USP48: variants seen among roughly 807,000 people sequenced by gnomAD.
USP48 encodes ubiquitin carboxyl-terminal hydrolase 48.
Under a neutral mutation model 150.7 loss-of-function variants are expected in USP48, and 43 were observed. The observed-to-expected ratio is 0.29, with a 90% CI of 0.22 to 0.37. The LOEUF (loss-of-function observed/expected upper bound fraction) is 0.37, where lower values mean the gene tolerates loss of function less well. USP48 is among the 10% of genes least tolerant of loss of function. USP48 has a pLI of 1.00. For synonymous variants in USP48, 396 were observed against 425.9 expected (o/e 0.93, Z 0.86); for missense variants, 813 against 1,249.6 (o/e 0.65, Z 5.27).
intron 4 of USP48, 27 bp downstream of exon 4, chr1:21,752,965 A>T (rs754052751): frequency 3.1e-4 from 100 of 322,992 alleles, no homozygotes; most frequent in Middle Eastern, 1.1e-3. Context: ...CTGAATATTT[A>T]AAAAAAAAAA....
chr1:21,754,815 G>T (rs962037695), intron 3 of USP48, among the ~76,000 whole-genome samples: 7 of 152,136 alleles, frequency 4.6e-5, no homozygotes, highest in Non-Finnish European at 7.4e-5. Flanking sequence ...AGGTGACTCT[G>T]TAGGGGGTTC....
chr1:21,770,481 CTTT>C (rs548583450), intron 1 of USP48, among the ~76,000 whole-genome samples: 20 of 115,832 alleles, frequency 1.7e-4, no homozygotes, highest in African/African-American at 2.6e-4. Context: ...AATCAAGTGT[CTTT>C]TTTTTTTTTT....
chr1:21,754,133 C>T (rs187863805), intron 3 of USP48, among the ~76,000 whole-genome samples: 1 of 152,124 alleles, frequency 6.6e-6, no homozygotes, highest in Non-Finnish European at 1.5e-5. Flanking sequence ...TGCACTCCAG[C>T]CTGGGCAACA....
intron 1 of USP48, among the ~76,000 whole-genome samples, chr1:21,771,121 C>T (rs2152640424): frequency 6.6e-6 from 1 of 151,394 alleles, no homozygotes; most frequent in Admixed American, 6.6e-5. Context: ...GCAAGACTGT[C>T]TCAAAAAACA....
At chr1:21,762,328 C>T (rs535214983) in intron 1 of USP48, among the ~76,000 whole-genome samples, 2 of 152,142 alleles carry the variant, frequency 1.3e-5, no homozygotes, top group South Asian at 4.1e-4. Context: ...CAGAAAATCT[C>T]TCCTGGGAAC....
chr1:21,759,297 G>GT (rs1470732314), intron 1 of USP48, among the ~76,000 whole-genome samples: 1 of 151,926 alleles, frequency 6.6e-6, no homozygotes, highest in Non-Finnish European at 1.5e-5. Context: ...GAAGGCAGGA[G>GT]TGGGGGAGGG....
intron 6 of USP48, 147 bp downstream of exon 6, chr1:21,751,360 G>A (rs567074701): frequency 4.8e-6 from 3 of 620,048 alleles, no homozygotes; most frequent in Admixed American, 2.8e-5. Flanking sequence ...ACTTCATAAA[G>A]TGTCTTCTGG....
chr1:21,783,060 C>CT lies in USP48; in HGVS notation c.-104dup. ...TTCGCCACCTGCCAGCAAGGAGGAC[C>CT]TGGCGCTCCTTCAGGCAGCTGGCCA... On this transcript the variant is annotated 5_prime_UTR_variant, in exon 1 of 27. Transcript: ENST00000308271. 1 of 1,386,744 alleles carries CT rather than the reference C, an allele frequency of 7.2e-7. No homozygotes were observed. Among genetic ancestry groups the CT allele is most frequent in the East Asian group, 3.0e-5 (1 of 33,664 alleles). 85.9% of individuals were successfully genotyped at this position (1,386,744 alleles called of 1,614,324 possible).
At chr1:21,697,847 C>T (rs953776793) in intron 22 of USP48, among the ~76,000 whole-genome samples, 2 of 152,084 alleles carry the variant, frequency 1.3e-5, no homozygotes, top group East Asian at 3.9e-4. Context: ...TTAAATGGAT[C>T]TAAAGGCTTT....
At chr1:21,710,363 T>C (rs2097686934) in intron 15 of USP48, among the ~76,000 whole-genome samples, 3 of 152,186 alleles carry the variant, frequency 2.0e-5, no homozygotes, top group African/African-American at 7.2e-5. Flanking sequence ...TAGTTCAAAC[T>C]GTATATAATA....
chr1:21,780,690 G>C (rs2097912072), intron 1 of USP48, among the ~76,000 whole-genome samples: 1 of 150,746 alleles, frequency 6.6e-6, no homozygotes. Flanking sequence ...CCAGAATAGG[G>C]AAATTTAGAG....
At position 21,777,233 on chromosome 1, in the gene USP48, T is replaced by C. The variant is rs558736232; in HGVS notation, c.134+5591A>G. 4.6e-5 allele frequency among the ~76,000 whole-genome samples: 7 copies of C among 152,214 alleles called. No homozygotes were observed. In the East Asian group the frequency reaches 1.4e-3, roughly 29 times the overall value. On this transcript the variant is annotated intron_variant, in intron 1 of 26. Transcript: ENST00000308271. ...AGCCCCTGGGAGGCAGAGGTTGCAT[T>C]GAGCCAAGATTGCACCACTGTACTC...
intron 9 of USP48, among the ~76,000 whole-genome samples, chr1:21,734,017 T>A (rs1172992597): frequency 6.6e-6 from 1 of 152,180 alleles, no homozygotes; most frequent in African/African-American, 2.4e-5. Flanking sequence ...ACATACACTG[T>A]ATAAGCAAAT....
At chr1:21,699,959 G>A (rs2097650411) in intron 22 of USP48, among the ~76,000 whole-genome samples, 1 of 150,246 alleles carries the variant, frequency 6.7e-6, no homozygotes, top group East Asian at 2.0e-4. Context: ...GTTGACAACA[G>A]GGTAAAGGGC....
intron 2 of USP48, 32 bp from the exon 3 acceptor site, chr1:21,756,734 C>T (rs1438148390): frequency 2.5e-6 from 4 of 1,606,816 alleles, no homozygotes; most frequent in Admixed American, 1.7e-5. Flanking sequence ...AATTATAAAA[C>T]CCATTTTCCT....
intron 1 of USP48, among the ~76,000 whole-genome samples, chr1:21,762,820 C>G (rs1040730291): frequency 4.1e-5 from 6 of 145,124 alleles, no homozygotes; most frequent in African/African-American, 1.6e-4. Flanking sequence ...GAGCCGAGAT[C>G]ACGCCACTGC....
intron 25 of USP48, among the ~76,000 whole-genome samples, chr1:21,684,580 G>A (rs1371496384): frequency 6.6e-6 from 1 of 152,106 alleles, no homozygotes; most frequent in Non-Finnish European, 1.5e-5. Flanking sequence ...TTTTGGTTTT[G>A]TTCCCTGTGC....
intron 1 of USP48, among the ~76,000 whole-genome samples, chr1:21,758,456 A>G (rs2097842291): frequency 6.6e-6 from 1 of 152,178 alleles, no homozygotes; most frequent in Admixed American, 6.5e-5. Flanking sequence ...GAGTGGGAAT[A>G]AGGTTAAAAG....
chr1:21,765,705 C>G (rs1359636798), intron 1 of USP48, among the ~76,000 whole-genome samples: 1 of 151,552 alleles, frequency 6.6e-6, no homozygotes, highest in Non-Finnish European at 1.5e-5. Flanking sequence ...AACAATTTTT[C>G]TAGTGGAAGA....
Sources: allele counts gnomAD v4.1 joint callset (sites outside exome capture counted in the v4.1 genomes callset), GRCh38; gene constraint gnomAD v4.1.1; transcripts MANE v1.5; gene names NCBI Gene and HGNC (gene_info 2026-07-23, HGNC 2026-07-21).